The following PARD3B variants were observed in gnomAD, a reference collection of about 807,000 sequenced individuals.
PARD3B encodes the protein par-3 family cell polarity regulator beta.
A neutral mutation model predicts 130.2 loss-of-function variants in PARD3B; 103 were observed. The ratio of observed to expected loss-of-function variants is 0.79; its 90% confidence interval spans 0.67 to 0.93. The LOEUF is 0.93. PARD3B is among the 40% of genes least tolerant of loss of function. The pLI is 0.00. For synonymous variants in PARD3B, 583 were observed against 553.2 expected (o/e 1.05, Z -0.76); for missense variants, 1,609 against 1,499.2 (o/e 1.07, Z -1.21).
At chr2:205,050,001 C>G (rs1330010335) in intron 4 of PARD3B, among the ~76,000 whole-genome samples, 2 of 151,952 alleles carry the variant, frequency 1.3e-5, no homozygotes, top group Admixed American at 1.3e-4. Context: ...TCCATGAATA[C>G]TTTAAGCTTT....
chr2:204,564,679 A>T (rs1342317132), intron 1 of PARD3B, among the ~76,000 whole-genome samples: 3 of 152,016 alleles, frequency 2.0e-5, no homozygotes, highest in Non-Finnish European at 4.4e-5. Context: ...TTTTTTGCAA[A>T]TCTCTTTAAT....
chr2:205,329,677 A>G (rs2043045850), intron 18 of PARD3B, among the ~76,000 whole-genome samples: 1 of 152,176 alleles, frequency 6.6e-6, no homozygotes, highest in African/African-American at 2.4e-5. Flanking sequence ...CATCCTCAGA[A>G]GATTGAGGAA....
rs561267862 is a variant in PARD3B, at chr2:205,341,259, G to A, written c.2630+39558G>A. 3.9e-5 allele frequency among the ~76,000 whole-genome samples: 6 copies of A among 152,022 alleles called. No homozygotes were observed. In the East Asian group the frequency reaches 1.2e-3, roughly 29 times the overall value. On this transcript the variant is annotated intron_variant, in intron 18 of 22. Coordinates refer to ENST00000406610, the MANE Select transcript of PARD3B (RefSeq NM_001302769.2). The surrounding 1 kb of genome is among the most constrained non-coding windows in gnomAD (Gnocchi z 4.3). ...CACTACTGGGTATTTTTAAAGGAAA[G>A]GAGTCAGTATATCAAAGGGATACCT...
intron 15 of PARD3B, among the ~76,000 whole-genome samples, chr2:205,242,419 C>T (rs2039391221): frequency 6.6e-6 from 1 of 152,130 alleles, no homozygotes; most frequent in South Asian, 2.1e-4. Context: ...AAAAACAAAG[C>T]AGCAAAAGCC....
At chr2:204,561,318 T>A (rs977374553) in intron 1 of PARD3B, among the ~76,000 whole-genome samples, 4 of 152,224 alleles carry the variant, frequency 2.6e-5, no homozygotes, top group East Asian at 1.9e-4. Context: ...TAAATTGATA[T>A]GGGTGGCTTT....
intron 10 of PARD3B, among the ~76,000 whole-genome samples, chr2:205,143,258 A>C (rs1365553678): frequency 6.6e-6 from 1 of 152,214 alleles, no homozygotes; most frequent in African/African-American, 2.4e-5. Context: ...TGATTGACTA[A>C]AAAGATTCAT....
chr2:204,952,655 A>C (rs1044236952), intron 2 of PARD3B, among the ~76,000 whole-genome samples: 6 of 152,238 alleles, frequency 3.9e-5, no homozygotes, highest in African/African-American at 1.4e-4. Flanking sequence ...AAGGGCAAAG[A>C]GTATGAACAG....
At chr2:205,373,562 A>T (rs2044908168) in intron 18 of PARD3B, among the ~76,000 whole-genome samples, 1 of 152,248 alleles carries the variant, frequency 6.6e-6, no homozygotes, top group Non-Finnish European at 1.5e-5. Context: ...AGATGAATCA[A>T]CCAATTAAAG....
In PARD3B at chr2:204,587,350, A is replaced by T. The variant is rs201520548; in HGVS notation, c.120+41231A>T. The stretch of plus-strand genomic sequence containing the variant: ...AAACTGTGAGGGAATCTTTAAAAAA[A>T]TTCAATTTTCTATTTCCCATCTACT... On this transcript the variant is annotated intron_variant, in intron 1 of 22. Transcript: ENST00000406610. Among the ~76,000 whole-genome samples the T allele has an allele frequency of 2.6e-5, 4 of 152,218 alleles. No homozygotes were observed. The East Asian group carries it at 7.7e-4, about 29-fold the overall frequency.
intron 3 of PARD3B, among the ~76,000 whole-genome samples, chr2:205,036,401 G>T (rs139310929): frequency 4.9e-5 from 7 of 141,896 alleles, no homozygotes; most frequent in African/African-American, 1.5e-4. Flanking sequence ...AAAAATATAC[G>T]TATATAGCAG....
At position 205,435,070 on chromosome 2, in the gene PARD3B, A is replaced by C. The variant is rs575022946; in HGVS notation, c.2742-5300A>C. ...ACCCCCTGTACTGAAAATTAAGTTA[A>C]ATTTATTTTTTTAATTATCTTAAAA... On this transcript the variant is annotated intron_variant, in intron 19 of 22. Transcript: ENST00000406610. 8.5e-5 allele frequency among the ~76,000 whole-genome samples: 13 copies of C among 152,206 alleles called. No homozygotes were observed. In the South Asian group the frequency reaches 2.5e-3, roughly 29 times the overall value.
At chr2:205,109,986 C>A (rs993318394) in intron 5 of PARD3B, among the ~76,000 whole-genome samples, 6 of 152,036 alleles carry the variant, frequency 3.9e-5, no homozygotes, top group African/African-American at 1.4e-4. Flanking sequence ...TCTCCGTGTG[C>A]AAATGAGGAA....
chr2:204,662,877 T>G (rs556695762), intron 1 of PARD3B, among the ~76,000 whole-genome samples: 1 of 152,272 alleles, frequency 6.6e-6, no homozygotes, highest in Admixed American at 6.5e-5. Flanking sequence ...AGCTTTGACC[T>G]TTTGGACTTG....
At chr2:205,579,393 G>C (rs1254048295) in intron 22 of PARD3B, among the ~76,000 whole-genome samples, 1 of 152,136 alleles carries the variant, frequency 6.6e-6, no homozygotes, top group Non-Finnish European at 1.5e-5. Context: ...TCCAGTATCA[G>C]TTTGAGAATT....
intron 13 of PARD3B, among the ~76,000 whole-genome samples, chr2:205,182,247 G>A (rs560510636): frequency 4.0e-5 from 6 of 151,144 alleles, no homozygotes; most frequent in Admixed American, 6.6e-5. Context: ...AGCCAAGATC[G>A]CACCACTGCA....
chr2:204,565,342 A>G (rs773290056), intron 1 of PARD3B, among the ~76,000 whole-genome samples: 6 of 152,232 alleles, frequency 3.9e-5, no homozygotes, highest in Non-Finnish European at 8.8e-5. Flanking sequence ...GTTCATTGCA[A>G]TGTTGAATTT....
intron 4 of PARD3B, among the ~76,000 whole-genome samples, chr2:205,062,737 T>A (rs1235384132): frequency 6.6e-6 from 1 of 152,186 alleles, no homozygotes; most frequent in Non-Finnish European, 1.5e-5. Flanking sequence ...AAAATGTTTT[T>A]AAAGGTAATG....
At chr2:204,754,221 T>C (rs2040577236) in intron 2 of PARD3B, among the ~76,000 whole-genome samples, 1 of 152,142 alleles carries the variant, frequency 6.6e-6, no homozygotes, top group Non-Finnish European at 1.5e-5. Flanking sequence ...CACAGGTGAT[T>C]TGGTTGGTAG....
intron 2 of PARD3B, among the ~76,000 whole-genome samples, chr2:204,696,371 A>G (rs1458205686): frequency 6.6e-6 from 1 of 152,094 alleles, no homozygotes; most frequent in Non-Finnish European, 1.5e-5. Flanking sequence ...TGATAGTTTC[A>G]CCAAGAGATA....
Sources: allele counts gnomAD v4.1 joint callset (sites outside exome capture counted in the v4.1 genomes callset), GRCh38; gene constraint gnomAD v4.1.1; non-coding constraint Gnocchi (gnomAD v3.1); transcripts MANE v1.5; gene names NCBI Gene and HGNC (gene_info 2026-07-23, HGNC 2026-07-21).